PSMA1: variants seen among roughly 807,000 people sequenced by gnomAD.
PSMA1 encodes proteasome subunit alpha type-1.
In PSMA1, 3 loss-of-function variants were observed where a neutral mutation model predicts 38.4. That is an observed-to-expected ratio of 0.08 (90% CI 0.04 to 0.20). The LOEUF is 0.20. Among genes scored for constraint, PSMA1 ranks in the 10% least tolerant of loss-of-function variants. The pLI, the probability that PSMA1 is intolerant of heterozygous loss-of-function variation, is 1.00. For missense variants in PSMA1, 227 were observed against 325.3 expected, an observed-to-expected ratio of 0.70 and a Z score of 2.32; for synonymous variants, 101 against 107.1, an observed-to-expected ratio of 0.94 and a Z score of 0.35.
chr11:14,515,174 T>C (rs541909650), intron 4 of PSMA1, among the ~76,000 whole-genome samples: 1 of 152,364 alleles, frequency 6.6e-6, no homozygotes, highest in African/African-American at 2.4e-5. Context: ...CATGGTTGAC[T>C]ACAGGAACCA....
intron 8 of PSMA1, among the ~76,000 whole-genome samples, chr11:14,509,636 A>T (rs375946333): frequency 6.6e-6 from 1 of 151,544 alleles, no homozygotes; most frequent in East Asian, 1.9e-4. Flanking sequence ...CCTGATCTCA[A>T]GTGATCCACT....
At chr11:14,536,259 G>T (rs1398148015) in intron 2 of PSMA1, among the ~76,000 whole-genome samples, 2 of 152,186 alleles carry the variant, frequency 1.3e-5, no homozygotes, top group Admixed American at 6.5e-5. Flanking sequence ...GCGCGAGGTG[G>T]CTCACGCCTG....
At chr11:14,613,313 AC>A (rs1388789332) in intron 1 of PSMA1, among the ~76,000 whole-genome samples, 3 of 134,956 alleles carry the variant, frequency 2.2e-5, no homozygotes, top group Non-Finnish European at 4.9e-5. Flanking sequence ...CTGCAGTGGC[AC>A]CATCTCGGCT....
intron 1 of PSMA1, among the ~76,000 whole-genome samples, chr11:14,640,518 C>T (rs1282518029): frequency 6.6e-6 from 1 of 152,142 alleles, no homozygotes; most frequent in Non-Finnish European, 1.5e-5. Context: ...TTCTAAATAG[C>T]ATTTAGTACA....
chr11:14,600,071 A>G (rs970587929), intron 2 of PSMA1, among the ~76,000 whole-genome samples: 8 of 152,174 alleles, frequency 5.3e-5, no homozygotes, highest in Non-Finnish European at 1.0e-4. Context: ...TCACCAGCAG[A>G]GGCTGCAGAA....
At chr11:14,614,682 CAT>C (rs1231163050) in intron 1 of PSMA1, among the ~76,000 whole-genome samples, 1 of 152,166 alleles carries the variant, frequency 6.6e-6, no homozygotes, top group Non-Finnish European at 1.5e-5. Flanking sequence ...CTGCATTCCT[CAT>C]AGTTACTAGG....
intron 2 of PSMA1, among the ~76,000 whole-genome samples, chr11:14,561,803 AC>A (rs1364112104): frequency 4.3e-5 from 6 of 138,868 alleles, no homozygotes; most frequent in Non-Finnish European, 9.4e-5. Flanking sequence ...ACTAAACTAA[AC>A]TAAATTAAAC....
chr11:14,559,234 G>A lies in PSMA1; in HGVS notation c.22-40193C>T, dbSNP rs558106380. ...TCAGAAATTGGAAGGTGTAAATCAC[G>A]AATACAAGGATTTGCTGTGAAAAGG... On this transcript the variant is annotated intron_variant, in intron 2 of 10. Transcript: ENST00000418988. 8.5e-5 allele frequency among the ~76,000 whole-genome samples: 13 copies of A among 152,288 alleles called. No individual in the cohort carries two copies. In the East Asian group the frequency reaches 1.3e-3, roughly 16 times the overall value.
At chr11:14,578,355 C>G (rs1852244700) in intron 2 of PSMA1, among the ~76,000 whole-genome samples, 1 of 152,164 alleles carries the variant, frequency 6.6e-6, no homozygotes, top group South Asian at 2.1e-4. Context: ...AGCATTATGA[C>G]TTGTCCAGTT....
At chr11:14,540,863 AG>A (rs1443027538) in intron 2 of PSMA1, among the ~76,000 whole-genome samples, 1 of 150,648 alleles carries the variant, frequency 6.6e-6, no homozygotes, top group Non-Finnish European at 1.5e-5. Context: ...AAGAAAAAAA[AG>A]TTCCTGGTAT....
chr11:14,620,073 T>C (rs952026158), intron 1 of PSMA1, among the ~76,000 whole-genome samples: 3 of 151,780 alleles, frequency 2.0e-5, no homozygotes, highest in Admixed American at 6.6e-5. Context: ...TGTGCGTGTG[T>C]GTGTGTGTGT....
At chr11:14,531,696 G>A (rs968844661) in intron 2 of PSMA1, among the ~76,000 whole-genome samples, 2 of 152,116 alleles carry the variant, frequency 1.3e-5, no homozygotes. Context: ...CTGAGCTCAA[G>A]TGATCCGCCT....
chr11:14,523,572 C>A (rs1403255577), upstream of PSMA1, among the ~76,000 whole-genome samples: 1 of 149,204 alleles, frequency 6.7e-6, no homozygotes, highest in Non-Finnish European at 1.5e-5. Flanking sequence ...ATACTCAGCT[C>A]CTCAGCTCTC....
At chr11:14,529,231 T>C (rs888376025) in intron 2 of PSMA1, among the ~76,000 whole-genome samples, 1 of 152,188 alleles carries the variant, frequency 6.6e-6, no homozygotes, top group Non-Finnish European at 1.5e-5. Flanking sequence ...ATTTTTTTCA[T>C]GGATGTGTAA....
chr11:14,561,844 CTAAA>C (rs1366864488), intron 2 of PSMA1, among the ~76,000 whole-genome samples: 3 of 151,906 alleles, frequency 2.0e-5, no homozygotes, highest in Non-Finnish European at 4.4e-5. Flanking sequence ...CTAAACTAAA[CTAAA>C]CTAAACTAAA....
chr11:14,545,908 G>T (rs996781581), intron 2 of PSMA1, among the ~76,000 whole-genome samples: 1 of 152,166 alleles, frequency 6.6e-6, no homozygotes, highest in African/African-American at 2.4e-5. Flanking sequence ...GGCAGAGATT[G>T]GGGGAGATCC....
chr11:14,570,594 A>T (rs1189003675), intron 2 of PSMA1, among the ~76,000 whole-genome samples: 1 of 152,256 alleles, frequency 6.6e-6, no homozygotes, highest in African/African-American at 2.4e-5. Flanking sequence ...GATTTGATCA[A>T]GTGGAGGAAA....
At chr11:14,629,091 C>T (rs1049583369) in intron 1 of PSMA1, among the ~76,000 whole-genome samples, 34 of 152,014 alleles carry the variant, frequency 2.2e-4, no homozygotes, top group South Asian at 6.2e-4. Flanking sequence ...GAGTAGGTTG[C>T]GAAAATTTTC....
intron 2 of PSMA1, among the ~76,000 whole-genome samples, chr11:14,518,739 A>AT (rs1400827060): frequency 6.6e-6 from 1 of 152,144 alleles, no homozygotes; most frequent in Non-Finnish European, 1.5e-5. Context: ...CTCTATATAT[A>AT]TATTTGCCCT....
Sources: allele counts gnomAD v4.1 joint callset (sites outside exome capture counted in the v4.1 genomes callset), GRCh38; gene constraint gnomAD v4.1.1; transcripts MANE v1.5; gene names NCBI Gene and HGNC (gene_info 2026-07-23, HGNC 2026-07-21).